KDM2A: variants seen among roughly 807,000 people sequenced by gnomAD.
KDM2A encodes the protein lysine demethylase 2A, also known as lysine-specific demethylase 2A.
A neutral mutation model predicts 137.3 loss-of-function variants in KDM2A; 3 were observed. That is an observed-to-expected ratio of 0.02 (90% CI 0.01 to 0.06). The LOEUF is 0.06. KDM2A is among the 10% of genes least tolerant of loss of function. The pLI is 1.00. For missense variants in KDM2A, 738 were observed against 1,510.6 expected, an observed-to-expected ratio of 0.49 and a Z score of 8.48; for synonymous variants, 512 against 541.5, an observed-to-expected ratio of 0.95 and a Z score of 0.76.
intron 10 of KDM2A, among the ~76,000 whole-genome samples, chr11:67,227,656 G>A (rs1399208186): frequency 3.3e-5 from 5 of 151,850 alleles, no homozygotes; most frequent in Non-Finnish European, 7.4e-5. Context: ...TGCAACCTCC[G>A]CCTCCCAGGA....
chr11:67,139,971 T>C (rs769048026), intron 2 of KDM2A, among the ~76,000 whole-genome samples: 1 of 152,114 alleles, frequency 6.6e-6, no homozygotes, highest in Non-Finnish European at 1.5e-5. Flanking sequence ...TCCACAGTGT[T>C]GGAACTATAG....
At chr11:67,158,763 A>T (rs1402146964) in intron 2 of KDM2A, among the ~76,000 whole-genome samples, 1 of 152,076 alleles carries the variant, frequency 6.6e-6, no homozygotes, top group Non-Finnish European at 1.5e-5. Flanking sequence ...TGCTCGTATT[A>T]TAGGCGTGAA....
At chr11:67,214,450 T>C (rs192689267) in intron 6 of KDM2A, among the ~76,000 whole-genome samples, 123 of 152,246 alleles carry the variant, frequency 8.1e-4, no homozygotes, top group African/African-American at 2.9e-3. Flanking sequence ...GTGATCCACC[T>C]GCCTCGGCCT....
Position 67,247,073 on chromosome 11 carries a change from T to TTTA in KDM2A, c.1965+959_1965+960insATT, listed in dbSNP as rs1565424298. Among the ~76,000 whole-genome samples, 60 of 43,696 alleles carry TTTA rather than the reference T, an allele frequency of 1.4e-3. 1 individual carries two copies. Among genetic ancestry groups the TTTA allele is most frequent in the African/African-American group, 7.0e-3 (59 of 8,380 alleles). The allele number at this position is 43,696 out of a possible 152,430, so 28.7% of individuals were successfully genotyped here. A position where few individuals can be genotyped will look rare whatever the true frequency, so the allele number is the denominator to read the frequency against. ...TATATATATATATATATATATATAT[T>TTTA]TTTTTTTTTTTTTTTTTTTTTTTTT... is the stretch of plus-strand genomic sequence containing the variant. On this transcript the variant is annotated intron_variant, in intron 15 of 20. Coordinates refer to ENST00000529006, the MANE Select transcript of KDM2A (RefSeq NM_012308.3).
intron 12 of KDM2A, among the ~76,000 whole-genome samples, chr11:67,240,578 T>G (rs182379691): frequency 4.6e-5 from 7 of 152,326 alleles, no homozygotes; most frequent in African/African-American, 1.7e-4. Context: ...TTGAGAATCC[T>G]TTCCCTCTCT....
Position 67,255,478 on chromosome 11 carries a change from CAG to C in KDM2A, c.*424_*425del, listed in dbSNP as rs1565429794. 1 of 458,936 alleles carries C rather than the reference CAG, an allele frequency of 2.2e-6. No homozygotes were observed. The highest frequency in any genetic ancestry group is 4.4e-6 in the Non-Finnish European group (1 of 228,590). The allele number at this position is 458,936 out of a possible 1,614,324, so 28.4% of individuals were successfully genotyped here. On this transcript the variant is annotated 3_prime_UTR_variant, in exon 21 of 21. Transcript: ENST00000529006. ...AAGAAAACGGCCCTGTCTCCATGGC[CAG>C]GTTCTTGTGGTGTCCAGTGCGCGTC...
intron 2 of KDM2A, among the ~76,000 whole-genome samples, chr11:67,152,180 G>A (rs1856406947): frequency 6.6e-6 from 1 of 152,038 alleles, no homozygotes; most frequent in Admixed American, 6.6e-5. Flanking sequence ...AGGCGTGGTG[G>A]TGTGCACCTG....
chr11:67,176,952 A>T (rs577193299), intron 2 of KDM2A, among the ~76,000 whole-genome samples: 28 of 150,812 alleles, frequency 1.9e-4, no homozygotes, highest in South Asian at 6.3e-4. Context: ...AATTTATAAA[A>T]TTTTTTTTTT....
intron 2 of KDM2A, among the ~76,000 whole-genome samples, chr11:67,142,900 T>C (rs1856146847): frequency 6.6e-6 from 1 of 151,958 alleles, no homozygotes; most frequent in Non-Finnish European, 1.5e-5. Flanking sequence ...CTTCAACAAT[T>C]ATCAAAACTT....
intron 2 of KDM2A, among the ~76,000 whole-genome samples, chr11:67,169,759 C>CTCTCT (rs756503460): frequency 0.029 from 1,914 of 65,708 alleles, 40 homozygotes; most frequent in Middle Eastern, 0.037. Context: ...CTCTCTCTCT[C>CTCTCT]TTTTTTTTTT....
rs1289191565 is a variant in KDM2A, at chr11:67,161,220, C to A, written c.43-18859C>A. On this transcript the variant is annotated intron_variant, in intron 2 of 20. Coordinates refer to ENST00000529006, the MANE Select transcript of KDM2A (RefSeq NM_012308.3). Reference sequence around the variant, plus strand: ...TATTAAAAATTTTTTTAAATTGAAACCAAAAACAAAAGAAAAACAAGACTT... The same window carrying A: ...TATTAAAAATTTTTTTAAATTGAAAACAAAAACAAAAGAAAAACAAGACTT... Among the ~76,000 whole-genome samples, 3 of 152,076 alleles carry A rather than the reference C, an allele frequency of 2.0e-5. No homozygotes were observed. In the East Asian group the frequency reaches 5.8e-4, roughly 29 times the overall value.
At chr11:67,169,699 T>C (rs1197611363) in intron 2 of KDM2A, among the ~76,000 whole-genome samples, 1 of 150,572 alleles carries the variant, frequency 6.6e-6, no homozygotes, top group African/African-American at 2.4e-5. Flanking sequence ...CTTTTTTCTT[T>C]CTTTTTTCTT....
At chr11:67,233,423 G>A (rs1228613173) in intron 12 of KDM2A, among the ~76,000 whole-genome samples, 1 of 140,458 alleles carries the variant, frequency 7.1e-6, no homozygotes, top group Non-Finnish European at 1.5e-5. Flanking sequence ...GGAGGCCGAG[G>A]CAGGTAGATC....
chr11:67,126,820 C>T (rs1222718578), intron 2 of KDM2A, among the ~76,000 whole-genome samples: 1 of 151,774 alleles, frequency 6.6e-6, no homozygotes, highest in African/African-American at 2.4e-5. Flanking sequence ...GGAATATAAG[C>T]TACACTTTCT....
intron 5 of KDM2A, among the ~76,000 whole-genome samples, chr11:67,183,044 C>T (rs1857125153): frequency 1.3e-5 from 2 of 152,190 alleles, no homozygotes; most frequent in South Asian, 2.1e-4. Flanking sequence ...TCATCTAAAA[C>T]GTGAAAGTCA....
At chr11:67,143,004 T>C (rs903367598) in intron 2 of KDM2A, among the ~76,000 whole-genome samples, 1 of 150,698 alleles carries the variant, frequency 6.6e-6, no homozygotes, top group Non-Finnish European at 1.5e-5. Context: ...ACTTCAGTTA[T>C]ATATATATAT....
chr11:67,173,365 G>T (rs1188015224), intron 2 of KDM2A, among the ~76,000 whole-genome samples: 2 of 152,116 alleles, frequency 1.3e-5, no homozygotes, highest in South Asian at 4.1e-4. Flanking sequence ...CAGGTGATCC[G>T]CCCGCCTTGG....
chr11:67,122,874 A>T (rs550610343), intron 2 of KDM2A, among the ~76,000 whole-genome samples: 10 of 150,620 alleles, frequency 6.6e-5, no homozygotes, highest in Admixed American at 4.0e-4. Context: ...ACGGGGTTTC[A>T]CTGTGTTAGC....
intron 2 of KDM2A, among the ~76,000 whole-genome samples, chr11:67,166,524 A>G (rs963922072): frequency 2.6e-5 from 4 of 152,034 alleles, no homozygotes; most frequent in East Asian, 1.9e-4. Context: ...ATTGTTTCCA[A>G]TAGTAGTATT....
Sources: allele counts gnomAD v4.1 joint callset (sites outside exome capture counted in the v4.1 genomes callset), GRCh38; gene constraint gnomAD v4.1.1; transcripts MANE v1.5; gene names NCBI Gene and HGNC (gene_info 2026-07-23, HGNC 2026-07-21).